Variants in PCSK2 observed in about 807,000 individuals in gnomAD.
PCSK2 encodes neuroendocrine convertase 2.
In PCSK2, 14 loss-of-function variants were observed where a neutral mutation model predicts 69.7. The observed-to-expected ratio is 0.20, with a 90% CI of 0.13 to 0.31. The LOEUF (loss-of-function observed/expected upper bound fraction) is 0.31. PCSK2 is among the 10% of genes least tolerant of loss of function. PCSK2 has a pLI of 1.00. For missense variants in PCSK2, 544 were observed against 842.5 expected (o/e 0.65, Z 4.39); for synonymous variants, 307 against 320.7 (o/e 0.96, Z 0.46).
intron 6 of PCSK2, among the ~76,000 whole-genome samples, chr20:17,425,896 T>C (rs2032238884): frequency 1.3e-5 from 2 of 152,156 alleles, no homozygotes; most frequent in Non-Finnish European, 2.9e-5. Flanking sequence ...TGCTCACATA[T>C]TTGCCATAAC....
chr20:17,251,132 A>G (rs1986961976), intron 1 of PCSK2, among the ~76,000 whole-genome samples: 1 of 152,088 alleles, frequency 6.6e-6, no homozygotes, highest in Non-Finnish European at 1.5e-5. Flanking sequence ...TCAGATCCAT[A>G]ATGCTTCCTG....
intron 2 of PCSK2, among the ~76,000 whole-genome samples, chr20:17,271,265 T>C (rs530712573): frequency 4.7e-4 from 72 of 152,048 alleles, no homozygotes; most frequent in African/African-American, 1.7e-3. Context: ...GGGGGAAATA[T>C]TAGATTATGA....
intron 6 of PCSK2, among the ~76,000 whole-genome samples, chr20:17,414,818 A>C (rs899522505): frequency 1.3e-5 from 2 of 152,206 alleles, no homozygotes; most frequent in African/African-American, 4.8e-5. Flanking sequence ...CCAGCAGCAC[A>C]TCAAAAAGCT....
At chr20:17,299,359 T>C (rs1160895784) in intron 2 of PCSK2, among the ~76,000 whole-genome samples, 1 of 152,198 alleles carries the variant, frequency 6.6e-6, no homozygotes, top group Non-Finnish European at 1.5e-5. Flanking sequence ...GTTTATGTCT[T>C]GTTTCATCAA....
chr20:17,458,916 T>C (rs2032967924), intron 10 of PCSK2, among the ~76,000 whole-genome samples: 1 of 152,098 alleles, frequency 6.6e-6, no homozygotes, highest in African/African-American at 2.4e-5. Flanking sequence ...GACTGCCACC[T>C]TCGAATATTT....
chr20:17,298,839 G>A (rs1171175211), intron 2 of PCSK2, among the ~76,000 whole-genome samples: 2 of 152,064 alleles, frequency 1.3e-5, no homozygotes, highest in Non-Finnish European at 2.9e-5. Context: ...CCCAGCCTCT[G>A]AGAAGGAATA....
At chr20:17,464,609 T>C (rs918908336) in intron 10 of PCSK2, 8 of 152,204 alleles carry the variant, frequency 5.3e-5, no homozygotes, top group Non-Finnish European at 1.5e-5. Flanking sequence ...ACAGCATAGA[T>C]TAGTCATTCT....
intron 3 of PCSK2, among the ~76,000 whole-genome samples, chr20:17,359,207 G>A: frequency 6.6e-6 from 1 of 152,216 alleles, no homozygotes; most frequent in East Asian, 1.9e-4. Flanking sequence ...ACAGCCTTGT[G>A]GACGGCTACA....
At chr20:17,409,428 A>C in intron 6 of PCSK2, 89 bp downstream of exon 6, 1 of 835,682 alleles carries the variant, frequency 1.2e-6, no homozygotes, top group South Asian at 1.4e-5. Context: ...ACCACCAGCA[A>C]AATAATCCCC....
rs778955027 is a variant in PCSK2, at chr20:17,227,272, G to T, written c.-34G>T. 1.1e-5 allele frequency: 17 copies of T among 1,574,778 alleles called. No individual in the cohort carries two copies. The Admixed American group carries it at 2.7e-4, about 25-fold the overall frequency. ...AGTCCCCTGCTCCGCCAGCCTGCGC[G>T]CCTCCTAGCACCACTTTTCACTCCC... On this transcript the variant is annotated 5_prime_UTR_variant, in exon 1 of 12. Transcript: ENST00000262545.
At chr20:17,433,784 T>TC in intron 7 of PCSK2, among the ~76,000 whole-genome samples, 1 of 137,580 alleles carries the variant, frequency 7.3e-6, no homozygotes, top group Non-Finnish European at 1.6e-5. Context: ...GCTCCTTTGA[T>TC]TTCTCTCTCT....
intron 5 of PCSK2, among the ~76,000 whole-genome samples, chr20:17,369,953 T>C (rs531950085): frequency 3.2e-4 from 48 of 152,326 alleles, no homozygotes; most frequent in African/African-American, 1.0e-3. Context: ...TGAGAATTAC[T>C]ATCCCTTGAC....
At chr20:17,372,419 AT>A (rs1441889409) in intron 5 of PCSK2, among the ~76,000 whole-genome samples, 1 of 150,548 alleles carries the variant, frequency 6.6e-6, no homozygotes, top group Non-Finnish European at 1.5e-5. Flanking sequence ...AAATAAATAA[AT>A]AAATAAATAA....
intron 2 of PCSK2, among the ~76,000 whole-genome samples, chr20:17,264,185 C>CT: frequency 6.6e-6 from 1 of 152,214 alleles, no homozygotes; most frequent in East Asian, 1.9e-4. Context: ...ACATGAAGGA[C>CT]TCATAATTCT....
intron 8 of PCSK2, among the ~76,000 whole-genome samples, chr20:17,445,459 C>T (rs764098006): frequency 6.6e-6 from 1 of 152,188 alleles, no homozygotes; most frequent in Non-Finnish European, 1.5e-5. Context: ...GATGAGACAG[C>T]GCATTGATTG....
At position 17,480,195 on chromosome 20, in the gene PCSK2, T is replaced by C. The variant is rs571794261; in HGVS notation, c.1431-1389T>C. ...CATTTTCAGCTTTTCTTTTTTTTTT[T>C]TTTTTTTTTTTTGAGGCAGAGTCTC... On this transcript the variant is annotated intron_variant, in intron 11 of 11. Transcript: ENST00000262545. Among the ~76,000 whole-genome samples the C allele has an allele frequency of 4.4e-3, 492 of 110,762 alleles. 7 individuals are homozygous for C. The highest frequency in any genetic ancestry group is 0.015 in the African/African-American group (473 of 30,600). 72.7% of individuals were successfully genotyped at this position (110,762 alleles called of 152,430 possible).
chr20:17,294,230 G>C (rs1474952520), intron 2 of PCSK2, among the ~76,000 whole-genome samples: 2 of 144,804 alleles, frequency 1.4e-5, no homozygotes, highest in African/African-American at 5.2e-5. Context: ...TCAGCCTCCC[G>C]AGTAGCTGGG....
At chr20:17,317,802 T>A (rs895722212) in intron 2 of PCSK2, among the ~76,000 whole-genome samples, 3 of 151,858 alleles carry the variant, frequency 2.0e-5, no homozygotes, top group Non-Finnish European at 4.4e-5. Context: ...AGGGAACACA[T>A]AAACAACACA....
intron 2 of PCSK2, among the ~76,000 whole-genome samples, chr20:17,353,463 C>CAGAAA (rs372975691): frequency 7.9e-6 from 1 of 126,474 alleles, no homozygotes; most frequent in African/African-American, 2.9e-5. Flanking sequence ...GACTCCATCA[C>CAGAAA]ACAAAAAAAA....
Sources: allele counts gnomAD v4.1 joint callset (sites outside exome capture counted in the v4.1 genomes callset), GRCh38; gene constraint gnomAD v4.1.1; transcripts MANE v1.5; gene names NCBI Gene and HGNC (gene_info 2026-07-23, HGNC 2026-07-21).